ESR1: variants seen among roughly 807,000 people sequenced by gnomAD.
ESR1 encodes the protein estrogen receptor.
ESR1 carries 12 observed loss-of-function variants against 52.7 expected under a neutral mutation model. That is an observed-to-expected ratio of 0.23 (90% CI 0.15 to 0.37). The LOEUF (loss-of-function observed/expected upper bound fraction) is 0.37, where lower values mean the gene tolerates loss of function less well. Ranked by LOEUF, ESR1 falls within the 10% of genes least tolerant of loss-of-function variation. The probability of loss-of-function intolerance (pLI) is 1.00; values close to 1 mark genes in which losing one functional copy is unlikely to be tolerated. For synonymous variants in ESR1, 305 were observed against 316.8 expected, an observed-to-expected ratio of 0.96 and a Z score of 0.39; for missense variants, 584 against 779.7, an observed-to-expected ratio of 0.75 and a Z score of 2.99.
At chr6:151,806,557 T>TATATATATACAC (rs1554259008), upstream of ESR1, among the ~76,000 whole-genome samples, 29 of 133,782 alleles carry the variant, frequency 2.2e-4, no homozygotes, top group African/African-American at 6.7e-4. Context: ...TATATATATA[T>TATATATATACAC]ACACATATAT....
chr6:151,955,384 TTTATGTTATATA>T, intron 4 of ESR1, among the ~76,000 whole-genome samples: 1 of 152,272 alleles, frequency 6.6e-6, no homozygotes, highest in African/African-American at 2.4e-5. Flanking sequence ...AATGGTAAAT[TTTATGTTATATA>T]CATTTTACCA....
chr6:151,838,589 A>G (rs1409735449), intron 1 of ESR1, among the ~76,000 whole-genome samples: 2 of 152,212 alleles, frequency 1.3e-5, no homozygotes, highest in East Asian at 3.8e-4. Context: ...CATTATTTCA[A>G]CGTGCCACAG....
chr6:151,706,958 T>A (rs1170659480), intron 2 of ESR1, among the ~76,000 whole-genome samples: 1 of 152,196 alleles, frequency 6.6e-6, no homozygotes, highest in African/African-American at 2.4e-5. Flanking sequence ...AGGGTTTATA[T>A]GACACTGGCA....
intron 6 of ESR1, among the ~76,000 whole-genome samples, chr6:152,062,701 C>T (rs1042398699): frequency 6.6e-6 from 1 of 152,116 alleles, no homozygotes; most frequent in African/African-American, 2.4e-5. Flanking sequence ...AGGGCTGGCA[C>T]GTGCTGACAG....
At chr6:151,785,295 T>A (rs1786914278) in intron 2 of ESR1, among the ~76,000 whole-genome samples, 1 of 152,024 alleles carries the variant, frequency 6.6e-6, no homozygotes, top group Non-Finnish European at 1.5e-5. Flanking sequence ...TCAAGAGAGA[T>A]GGCATCTGGG....
intron 1 of ESR1, among the ~76,000 whole-genome samples, chr6:151,685,067 T>C (rs1378486565): frequency 2.0e-5 from 3 of 150,584 alleles, no homozygotes; most frequent in Non-Finnish European, 4.4e-5. Context: ...CAACAGAGTC[T>C]CTGCTGTATT....
intron 1 of ESR1, among the ~76,000 whole-genome samples, chr6:151,664,016 G>A (rs1777733292): frequency 6.6e-6 from 1 of 152,122 alleles, no homozygotes; most frequent in South Asian, 2.1e-4. Context: ...GAGGGATCTT[G>A]GATGCATTTT....
intron 5 of ESR1, among the ~76,000 whole-genome samples, chr6:152,055,447 A>T (rs188250425): frequency 9.8e-4 from 149 of 152,294 alleles, no homozygotes; most frequent in Admixed American, 2.2e-3. Flanking sequence ...ATGGCAAGGA[A>T]ATACCCTTCT....
chr6:151,882,774 T>C (rs1239865487), intron 3 of ESR1, among the ~76,000 whole-genome samples: 2 of 151,698 alleles, frequency 1.3e-5, no homozygotes, highest in Non-Finnish European at 2.9e-5. Flanking sequence ...TTTTTTTTTG[T>C]AATTAATATC....
At chr6:151,837,025 A>G (rs1783446381) in intron 1 of ESR1, among the ~76,000 whole-genome samples, 2 of 152,124 alleles carry the variant, frequency 1.3e-5, no homozygotes, top group South Asian at 4.1e-4. Flanking sequence ...GATTAATGAA[A>G]ATTTTATTGG....
intron 5 of ESR1, among the ~76,000 whole-genome samples, chr6:152,016,144 G>T (rs1478689629): frequency 6.6e-6 from 1 of 152,130 alleles, no homozygotes; most frequent in Admixed American, 6.5e-5. Flanking sequence ...CTTGCCTGCT[G>T]CCATGTAAGA....
downstream of ESR1, among the ~76,000 whole-genome samples, chr6:152,104,126 G>T (rs1407452981): frequency 6.6e-6 from 1 of 151,984 alleles, no homozygotes; most frequent in Non-Finnish European, 1.5e-5. Flanking sequence ...GGAGAGTATG[G>T]AAGGACCGTG....
At chr6:152,039,089 A>G (rs1273479788) in intron 5 of ESR1, among the ~76,000 whole-genome samples, 1 of 152,140 alleles carries the variant, frequency 6.6e-6, no homozygotes, top group East Asian at 1.9e-4. Context: ...GGTTGCTGCA[A>G]CTCATCACAT....
At chr6:151,723,226 G>A (rs1404199048) in intron 2 of ESR1, among the ~76,000 whole-genome samples, 2 of 152,136 alleles carry the variant, frequency 1.3e-5, no homozygotes, top group Non-Finnish European at 2.9e-5. Context: ...ACTCTGAGGG[G>A]TGGGAGGGGA....
intron 1 of ESR1, among the ~76,000 whole-genome samples, chr6:151,673,567 T>TAAAC (rs1778151489): frequency 1.3e-5 from 2 of 151,938 alleles, no homozygotes; most frequent in African/African-American, 2.4e-5. Flanking sequence ...CAATCTTGAG[T>TAAAC]TTATCAATAT....
intron 2 of ESR1, among the ~76,000 whole-genome samples, chr6:151,736,395 T>C (rs923050475): frequency 3.5e-4 from 52 of 148,636 alleles, no homozygotes; most frequent in Non-Finnish European, 8.9e-5. Flanking sequence ...TTTTTTGAGA[T>C]GGAGTTTCAC....
intron 4 of ESR1, among the ~76,000 whole-genome samples, chr6:151,986,681 ATTCTC>A (rs1380422499): frequency 1.3e-5 from 2 of 152,068 alleles, no homozygotes; most frequent in East Asian, 3.9e-4. Flanking sequence ...TTTCTGCCAT[ATTCTC>A]TTCTGTGTCT....
Position 151,902,625 on chromosome 6 carries a change from G to A in ESR1, c.760+21854G>A, listed in dbSNP as rs79692078. Reference sequence around the variant, plus strand: ...AAATTTTAGCTCTGTTGATAGGTGTGTAACCTTGAACAAGATACGTAACCT... The same window carrying A: ...AAATTTTAGCTCTGTTGATAGGTGTATAACCTTGAACAAGATACGTAACCT... On this transcript the variant is annotated intron_variant, in intron 3 of 7. Coordinates refer to ENST00000206249, the MANE Select transcript of ESR1 (RefSeq NM_000125.4). Among the ~76,000 whole-genome samples, 894 of 152,292 alleles carry A rather than the reference G, an allele frequency of 5.9e-3. 26 individuals are homozygous for A. In the East Asian group the frequency reaches 0.071, roughly 12 times the overall value.
At chr6:152,124,324 T>C (rs2052565815) in intron 6 of ESR1, among the ~76,000 whole-genome samples, 1 of 151,984 alleles carries the variant, frequency 6.6e-6, no homozygotes, top group African/African-American at 2.4e-5. Context: ...CAGATATTGG[T>C]TCTGCAGAAA....
Sources: allele counts gnomAD v4.1 joint callset (sites outside exome capture counted in the v4.1 genomes callset), GRCh38; gene constraint gnomAD v4.1.1; transcripts MANE v1.5; gene names NCBI Gene and HGNC (gene_info 2026-07-23, HGNC 2026-07-21).